Variants in CHD9 observed in about 807,000 individuals in gnomAD.
CHD9 encodes ATP-dependent chromatin remodeler CHD9.
Under a neutral mutation model 316.1 loss-of-function variants are expected in CHD9, and 77 were observed. That is an observed-to-expected ratio of 0.24 (90% CI 0.20 to 0.29). The LOEUF is 0.29. Among genes scored for constraint, CHD9 ranks in the 10% least tolerant of loss-of-function variants. The pLI, the probability that CHD9 is intolerant of heterozygous loss-of-function variation, is 1.00. For missense variants in CHD9, 2,763 were observed against 3,438.1 expected (o/e 0.80, Z 4.91); for synonymous variants, 1,129 against 1,158.3 (o/e 0.97, Z 0.51).
intron 1 of CHD9, among the ~76,000 whole-genome samples, chr16:53,088,072 G>A (rs974587807): frequency 2.6e-5 from 4 of 152,014 alleles, no homozygotes; most frequent in Non-Finnish European, 5.9e-5. Context: ...ATGTTAGAGC[G>A]GGACTCTCCT....
chr16:53,307,680 G>A lies in CHD9; in HGVS notation c.6781-1G>A. On this transcript the variant is annotated splice_acceptor_variant, in intron 32 of 38. Transcript: ENST00000447540. LOFTEE classifies it high-confidence loss of function. ...CACTTTGATGTTGCACGCTTTTCTA[G>A]GATCGTGTGATGATCAATAGGTTGG... 6.3e-7 allele frequency: 1 copy of A among 1,599,152 alleles called. No individual in the cohort carries two copies. Among genetic ancestry groups the A allele is most frequent in the Non-Finnish European group, 8.5e-7 (1 of 1,172,170 alleles).
intron 2 of CHD9, among the ~76,000 whole-genome samples, chr16:53,158,970 A>T (rs1436016371): frequency 6.6e-6 from 1 of 151,918 alleles, no homozygotes. Flanking sequence ...TTTTTTTCAT[A>T]GTAGTATGAA....
chr16:53,310,967 G>C (rs1416421815), intron 34 of CHD9: 1 of 151,612 alleles, frequency 6.6e-6, no homozygotes, highest in Admixed American at 6.6e-5. Context: ...CAGGAGGATT[G>C]CCTGAGTCCA....
At chr16:53,208,419 C>G in intron 2 of CHD9, 3 of 1,244,054 alleles carry the variant, frequency 2.4e-6, no homozygotes, top group Non-Finnish European at 3.1e-6. Context: ...ATTGAATAAC[C>G]TTCCTTATTA....
intron 12 of CHD9, 130 bp downstream of exon 12, chr16:53,238,716 A>G (rs1297033270): frequency 3.2e-6 from 3 of 944,632 alleles, no homozygotes; most frequent in Non-Finnish European, 3.2e-6. Flanking sequence ...AAGTTCTTTT[A>G]TTCATCATTT....
At chr16:53,318,757 A>G (rs373220683) in intron 37 of CHD9, among the ~76,000 whole-genome samples, 1 of 152,292 alleles carries the variant, frequency 6.6e-6, no homozygotes, top group African/African-American at 2.4e-5. Flanking sequence ...AACCTCCTAC[A>G]GTACATAGAA....
intron 1 of CHD9, among the ~76,000 whole-genome samples, chr16:53,084,086 T>G (rs1596921002): frequency 1.3e-5 from 2 of 152,056 alleles, no homozygotes; most frequent in Middle Eastern, 3.4e-3. Flanking sequence ...AGAGGTGAGG[T>G]CTCACTATGT....
chr16:53,249,741 T>G (rs992401774), intron 16 of CHD9, 130 bp from the exon 17 acceptor site: 23 of 723,936 alleles, frequency 3.2e-5, no homozygotes, highest in African/African-American at 2.7e-4. Flanking sequence ...CAGAAACTAC[T>G]TGAGATGATA....
At chr16:53,256,381 C>CTTTTTTTTTTTTTT (rs1163977563) in intron 19 of CHD9, among the ~76,000 whole-genome samples, 143 of 99,240 alleles carry the variant, frequency 1.4e-3, no homozygotes, top group African/African-American at 2.2e-3. Flanking sequence ...TTTTTCTTTT[C>CTTTTTTTTTTTTTT]TTTTTTTTTT....
At chr16:53,185,970 G>A (rs1254695446) in intron 2 of CHD9, among the ~76,000 whole-genome samples, 3 of 152,236 alleles carry the variant, frequency 2.0e-5, no homozygotes, top group African/African-American at 4.8e-5. Context: ...GAGCCCTCAT[G>A]GAGAACCTCT....
intron 19 of CHD9, among the ~76,000 whole-genome samples, chr16:53,259,341 T>C (rs1290481432): frequency 3.3e-5 from 5 of 152,204 alleles, no homozygotes; most frequent in African/African-American, 9.6e-5. Context: ...GGTAAATTTT[T>C]TACATTATCA....
At chr16:53,207,110 A>G (rs770481445) in intron 2 of CHD9, among the ~76,000 whole-genome samples, 21 of 152,312 alleles carry the variant, frequency 1.4e-4, no homozygotes, top group East Asian at 1.2e-3. Flanking sequence ...GGAGAACCCA[A>G]TGTTGTTTTA....
intron 37 of CHD9, among the ~76,000 whole-genome samples, chr16:53,320,149 C>T (rs1416660621): frequency 2.0e-5 from 3 of 149,722 alleles, no homozygotes; most frequent in African/African-American, 7.4e-5. Flanking sequence ...GCATTCCAGC[C>T]TGGGCCACAG....
chr16:53,200,141 A>C (rs2045320278), intron 2 of CHD9, among the ~76,000 whole-genome samples: 1 of 152,052 alleles, frequency 6.6e-6, no homozygotes, highest in South Asian at 2.1e-4. Flanking sequence ...TGGGAGGCTG[A>C]GGTGGCTGAT....
At chr16:53,058,528 C>T (rs553267594) in intron 1 of CHD9, among the ~76,000 whole-genome samples, 1 of 152,294 alleles carries the variant, frequency 6.6e-6, no homozygotes, top group South Asian at 2.1e-4. Flanking sequence ...TCAGCATGTA[C>T]AGAGATAGCC....
At chr16:53,274,931 C>G (rs1159759979) in intron 24 of CHD9, among the ~76,000 whole-genome samples, 2 of 152,162 alleles carry the variant, frequency 1.3e-5, no homozygotes, top group Non-Finnish European at 2.9e-5. Context: ...TTGGCCATCA[C>G]TAGAAGTCAC....
chr16:53,119,012 G>A (rs1220904941), intron 1 of CHD9, among the ~76,000 whole-genome samples: 8 of 152,028 alleles, frequency 5.3e-5, no homozygotes, highest in South Asian at 4.1e-4. Flanking sequence ...GGCTGGTCTC[G>A]AACTCCTGAC....
intron 29 of CHD9, among the ~76,000 whole-genome samples, chr16:53,294,025 C>T (rs931371844): frequency 2.0e-5 from 3 of 152,076 alleles, no homozygotes; most frequent in African/African-American, 7.2e-5. Flanking sequence ...TTACATTTTA[C>T]ATCCAGACTT....
intron 2 of CHD9, among the ~76,000 whole-genome samples, chr16:53,176,632 C>G (rs1194668908): frequency 6.6e-6 from 1 of 152,140 alleles, no homozygotes; most frequent in African/African-American, 2.4e-5. Flanking sequence ...TTATGAAAAG[C>G]CTATTTGAGT....
Sources: allele counts gnomAD v4.1 joint callset (sites outside exome capture counted in the v4.1 genomes callset), GRCh38; gene constraint gnomAD v4.1.1; transcripts MANE v1.5; gene names NCBI Gene and HGNC (gene_info 2026-07-23, HGNC 2026-07-21).